LANCL2: variants seen among roughly 807,000 people sequenced by gnomAD.
The protein encoded by LANCL2 is lanC-like protein 2.
LANCL2 carries 33 observed loss-of-function variants against 56.9 expected under a neutral mutation model. The ratio of observed to expected loss-of-function variants is 0.58; its 90% CI spans 0.44 to 0.78. LANCL2 has a LOEUF of 0.78. Among genes scored for constraint, LANCL2 ranks in the 30% least tolerant of loss-of-function variants. The pLI is 0.00. For missense variants in LANCL2, 562 were observed against 580.2 expected (o/e 0.97, Z 0.32); for synonymous variants, 233 against 228.2 (o/e 1.02, Z -0.19).
chr7:55,404,113 A>G (rs967110524), intron 5 of LANCL2, among the ~76,000 whole-genome samples: 2 of 152,208 alleles, frequency 1.3e-5, no homozygotes, highest in Non-Finnish European at 2.9e-5. Context: ...CTATCAGGCC[A>G]GTAGAGACCC....
intron 6 of LANCL2, among the ~76,000 whole-genome samples, chr7:55,420,845 G>T (rs947953476): frequency 6.6e-6 from 1 of 152,196 alleles, no homozygotes; most frequent in Non-Finnish European, 1.5e-5. Context: ...ATGGGAGGAG[G>T]AGTTTTACAG....
chr7:55,380,208 A>G lies in LANCL2; in HGVS notation c.205-11585A>G, dbSNP rs183211275. Among the ~76,000 whole-genome samples, 245 of 152,352 alleles carry G rather than the reference A, an allele frequency of 1.6e-3. 2 individuals carry two copies. The highest frequency in any genetic ancestry group is 0.014 in the Admixed American group (214 of 15,312). The stretch of plus-strand genomic sequence containing the variant: ...ATATAATGTCAAAGGGGAAAGTCGT[A>G]TTCAGTACTTTTAGCAAAAATATAT... On this transcript the variant is annotated intron_variant, in intron 1 of 8. Transcript: ENST00000254770.
At chr7:55,368,142 T>C (rs555597564) in intron 1 of LANCL2, among the ~76,000 whole-genome samples, 1 of 152,232 alleles carries the variant, frequency 6.6e-6, no homozygotes, top group Non-Finnish European at 1.5e-5. Context: ...ACAAAAATAA[T>C]GTTAGAGACA....
At chr7:55,403,569 G>GTTTT (rs34481346) in intron 5 of LANCL2, among the ~76,000 whole-genome samples, 42 of 99,504 alleles carry the variant, frequency 4.2e-4, no homozygotes, top group Admixed American at 7.3e-4. Flanking sequence ...TTTGTTTGTT[G>GTTTT]TTTTTTTTTT....
chr7:55,403,612 C>T (rs1236288735), intron 5 of LANCL2, among the ~76,000 whole-genome samples: 3 of 142,646 alleles, frequency 2.1e-5, no homozygotes, highest in Non-Finnish European at 4.5e-5. Context: ...CACTCTGTCG[C>T]CCAGGCTGGA....
intron 5 of LANCL2, among the ~76,000 whole-genome samples, chr7:55,408,283 C>G (rs1332711228): frequency 1.3e-5 from 2 of 151,932 alleles, no homozygotes; most frequent in East Asian, 1.9e-4. Flanking sequence ...AGGATTAATC[C>G]AGGAGGTTCA....
In LANCL2 at chr7:55,412,647, G is replaced by A. The variant is rs188200655; in HGVS notation, c.1008+558G>A. Among the ~76,000 whole-genome samples the A allele has an allele frequency of 5.1e-4, 77 of 152,256 alleles. No individual in the cohort carries two copies. The South Asian group carries it at 0.013, about 26-fold the overall frequency. On this transcript the variant is annotated intron_variant, in intron 6 of 8. Coordinates refer to ENST00000254770, the MANE Select transcript of LANCL2 (RefSeq NM_018697.4). Reference sequence around the variant, plus strand: ...TATATTTGGGCATAATATTAAGAGCGCTATTGATTTCTGTCCTGGACTAAG... The same window carrying A: ...TATATTTGGGCATAATATTAAGAGCACTATTGATTTCTGTCCTGGACTAAG...
chr7:55,425,085 C>G (rs1790649886), intron 6 of LANCL2, among the ~76,000 whole-genome samples, 169 bp from the exon 7 acceptor site: 3 of 152,180 alleles, frequency 2.0e-5, no homozygotes, highest in South Asian at 4.1e-4. Context: ...TTGCGAGATT[C>G]TATGTACTGT....
intron 3 of LANCL2, 104 bp downstream of exon 3, chr7:55,398,734 T>A: frequency 1.2e-6 from 1 of 853,274 alleles, no homozygotes; most frequent in Non-Finnish European, 1.9e-6. Flanking sequence ...TCCATTGTTG[T>A]AAACAGATCA....
At chr7:55,428,191 G>T in intron 7 of LANCL2, 184 bp from the exon 8 acceptor site, 1 of 609,456 alleles carries the variant, frequency 1.6e-6, no homozygotes, top group Non-Finnish European at 2.9e-6. Context: ...TGAGGCAGCC[G>T]CAAGCAGAGC....
At chr7:55,371,300 G>T (rs1436997482) in intron 1 of LANCL2, among the ~76,000 whole-genome samples, 1 of 152,112 alleles carries the variant, frequency 6.6e-6, no homozygotes, top group Non-Finnish European at 1.5e-5. Flanking sequence ...GCAGTGGCAT[G>T]ATTGTGGCTC....
At chr7:55,380,666 G>T (rs908238436) in intron 1 of LANCL2, among the ~76,000 whole-genome samples, 1 of 151,998 alleles carries the variant, frequency 6.6e-6, no homozygotes, top group East Asian at 1.9e-4. Flanking sequence ...GTGCGTTACA[G>T]TGAGTAATTG....
At chr7:55,425,472 G>A in intron 7 of LANCL2, 42 bp downstream of exon 7, 20 of 1,581,924 alleles carry the variant, frequency 1.3e-5, no homozygotes, top group Non-Finnish European at 1.7e-5. Flanking sequence ...ACAACCCCGA[G>A]TGTGCACAGA....
chr7:55,390,673 C>T (rs538041088), intron 1 of LANCL2, among the ~76,000 whole-genome samples: 9 of 151,878 alleles, frequency 5.9e-5, no homozygotes, highest in South Asian at 2.1e-4. Flanking sequence ...CCCAGCTACT[C>T]GGGAGGCTGA....
At chr7:55,379,023 C>T (rs777027893) in intron 1 of LANCL2, among the ~76,000 whole-genome samples, 7 of 152,202 alleles carry the variant, frequency 4.6e-5, no homozygotes, top group Non-Finnish European at 1.0e-4. Context: ...CCCAGCTACT[C>T]GGGAAGCTGA....
rs752035316 is a variant in LANCL2 at position 55,412,109 on chromosome 7, C to T, written c.1008+20C>T. 26 of 1,596,160 alleles carry T rather than the reference C, an allele frequency of 1.6e-5. No homozygotes were observed. The highest frequency in any genetic ancestry group is 2.3e-5 in the East Asian group (1 of 44,412). On this transcript the variant is annotated intron_variant, in intron 6 of 8. Transcript: ENST00000254770. ...TACAAGGTCAGTGCTTCCGCCGTCA[C>T]GGCCGTCCCCTGTGTGGGGAGCCAG...
intron 5 of LANCL2, among the ~76,000 whole-genome samples, chr7:55,406,696 C>A (rs1790411452): frequency 6.6e-6 from 1 of 152,164 alleles, no homozygotes; most frequent in Non-Finnish European, 1.5e-5. Context: ...GCTATCAGAA[C>A]AATATATGCA....
chr7:55,392,912 T>C (rs1304945730), intron 2 of LANCL2, among the ~76,000 whole-genome samples: 1 of 152,224 alleles, frequency 6.6e-6, no homozygotes, highest in Admixed American at 6.5e-5. Flanking sequence ...GTGGTCTCTC[T>C]GTTCTGTGAT....
intron 1 of LANCL2, among the ~76,000 whole-genome samples, chr7:55,390,925 T>A (rs752022958): frequency 6.6e-6 from 1 of 151,958 alleles, no homozygotes; most frequent in Non-Finnish European, 1.5e-5. Context: ...TGGGACTTAA[T>A]TCTTTTTATA....
Sources: allele counts gnomAD v4.1 joint callset (sites outside exome capture counted in the v4.1 genomes callset), GRCh38; gene constraint gnomAD v4.1.1; transcripts MANE v1.5; gene names NCBI Gene and HGNC (gene_info 2026-07-23, HGNC 2026-07-21).